KLF17: variants seen among roughly 807,000 people sequenced by gnomAD.
KLF17 encodes the protein Krueppel-like factor 17.
Under a neutral mutation model 34.2 loss-of-function variants are expected in KLF17, and 31 were observed. The observed-to-expected ratio is 0.91, with a 90% CI of 0.68 to 1.22. The LOEUF is 1.22. Among genes scored for constraint, KLF17 ranks in the 50% most tolerant of loss-of-function variants. The pLI, the probability that KLF17 is intolerant of heterozygous loss-of-function variation, is 0.00. For synonymous variants in KLF17, 179 were observed against 186.7 expected (o/e 0.96, Z 0.34); for missense variants, 478 against 505.2 (o/e 0.95, Z 0.52).
At chr1:44,091,635 C>CAAAAAAAAAAAAAAAAAAA in the KLF17 span, among the ~76,000 whole-genome samples, 2 of 79,022 alleles carry the variant, frequency 2.5e-5, no homozygotes, top group African/African-American at 4.8e-5. Flanking sequence ...GACTCCATCT[C>CAAAAAAAAAAAAAAAAAAA]AAAAAAAAAA....
the KLF17 span, among the ~76,000 whole-genome samples, chr1:44,057,341 G>A: frequency 5.9e-5 from 9 of 152,158 alleles, no homozygotes; most frequent in Admixed American, 5.9e-4. Flanking sequence ...AAAGGAGAAC[G>A]TTAACAGCTA....
chr1:44,129,053 C>T (rs1385902500), intron 1 of KLF17, among the ~76,000 whole-genome samples: 1 of 151,798 alleles, frequency 6.6e-6, no homozygotes, highest in Non-Finnish European at 1.5e-5. Flanking sequence ...AACATTTTCT[C>T]AGTTTTGCTG....
At chr1:44,069,499 AGAG>A in the KLF17 span, among the ~76,000 whole-genome samples, 2 of 146,116 alleles carry the variant, frequency 1.4e-5, no homozygotes, top group South Asian at 4.3e-4. The surrounding 1 kb of genome is among the most constrained non-coding windows in gnomAD (Gnocchi z 4.7). Flanking sequence ...AGAGAGAGAG[AGAG>A]AGAGAGAGAG....
the KLF17 span, among the ~76,000 whole-genome samples, chr1:44,062,888 A>G: frequency 6.6e-6 from 1 of 152,198 alleles, no homozygotes; most frequent in Non-Finnish European, 1.5e-5. Context: ...ATTCCTGGCT[A>G]TATCCTCAAC....
chr1:44,118,898 C>T lies in KLF17; in HGVS notation c.-10C>T, dbSNP rs2087911653. On this transcript the variant is annotated 5_prime_UTR_variant, in exon 1 of 4. Transcript: ENST00000372299. The stretch of plus-strand genomic sequence containing the variant: ...TCTTCAGTAGAGAGTCTAGACCCCA[C>T]CCAGTCTTCATGTACGGCCGACCGC... 3 of 1,608,864 alleles carry T rather than the reference C, an allele frequency of 1.9e-6. No homozygotes were observed. The highest frequency in any genetic ancestry group is 1.7e-6 in the Non-Finnish European group (2 of 1,177,890).
At chr1:44,083,387 T>TA in the KLF17 span, among the ~76,000 whole-genome samples, 13 of 152,224 alleles carry the variant, frequency 8.5e-5, no homozygotes, top group Middle Eastern at 3.4e-3. Flanking sequence ...TGTAACCTCT[T>TA]ACCTTGCTCA....
chr1:44,077,201 C>T, the KLF17 span, among the ~76,000 whole-genome samples: 3 of 151,798 alleles, frequency 2.0e-5, no homozygotes, highest in African/African-American at 7.3e-5. Flanking sequence ...AAAAATTAGC[C>T]AGTTGTGGTG....
the KLF17 span, among the ~76,000 whole-genome samples, chr1:44,044,413 GTGGCAAA>G: frequency 8.5e-5 from 13 of 152,214 alleles, no homozygotes. Flanking sequence ...AGCCTGAACT[GTGGCAAA>G]TGCAGAGTCA....
the KLF17 span, chr1:44,104,535 A>G: frequency 2.8e-6 from 2 of 704,604 alleles, no homozygotes; most frequent in Non-Finnish European, 5.3e-6. Flanking sequence ...GTTGAGATCC[A>G]CCTCCTAAGG....
At chr1:44,127,902 T>G (rs2088046821) in intron 1 of KLF17, among the ~76,000 whole-genome samples, 1 of 151,588 alleles carries the variant, frequency 6.6e-6, no homozygotes, top group Non-Finnish European at 1.5e-5. Flanking sequence ...AATTTCTGTC[T>G]TGGTGGTTTA....
the KLF17 span, chr1:44,051,066 C>G: frequency 4.1e-5 from 6 of 146,572 alleles, no homozygotes; most frequent in Admixed American, 4.2e-4. Flanking sequence ...AGAGAGAAAA[C>G]GACAGCATGA....
intron 1 of KLF17, among the ~76,000 whole-genome samples, chr1:44,124,966 T>A (rs924492401): frequency 7.2e-5 from 11 of 152,224 alleles, no homozygotes; most frequent in African/African-American, 1.9e-4. Flanking sequence ...CTGATCTCAC[T>A]AAATTACATT....
Position 44,118,822 on chromosome 1 carries a change from T to G in KLF17, c.-86T>G. 1.0e-6 allele frequency: 1 copy of G among 964,492 alleles called. No individual in the cohort carries two copies. Among genetic ancestry groups the G allele is most frequent in the Middle Eastern group, 2.3e-4 (1 of 4,356 alleles). 59.7% of individuals were successfully genotyped at this position (964,492 alleles called of 1,614,324 possible). ...AGGTAAATAGAAGGTGATTGTGGCG[T>G]GGCGATGTACCGATACCCGCCTGCG... is the stretch of plus-strand genomic sequence containing the variant. On this transcript the variant is annotated 5_prime_UTR_variant, in exon 1 of 4. Transcript: ENST00000372299.
intron 1 of KLF17, among the ~76,000 whole-genome samples, chr1:44,123,875 T>A (rs1221340763): frequency 6.6e-6 from 1 of 152,180 alleles, no homozygotes; most frequent in Non-Finnish European, 1.5e-5. Context: ...ATTTTCTAGT[T>A]TATCTGGTTG....
At chr1:44,097,354 T>C in the KLF17 span, among the ~76,000 whole-genome samples, 2 of 152,186 alleles carry the variant, frequency 1.3e-5, no homozygotes, top group Non-Finnish European at 2.9e-5. Flanking sequence ...GCGGGCTCTT[T>C]TTTGGTTCCA....
the KLF17 span, among the ~76,000 whole-genome samples, chr1:44,070,814 T>C: frequency 2.0e-5 from 3 of 152,022 alleles, no homozygotes; most frequent in Non-Finnish European, 4.4e-5. Context: ...ATAAGCATTA[T>C]TGAACAGGGG....
At chr1:44,079,939 C>CT in the KLF17 span, among the ~76,000 whole-genome samples, 2 of 129,548 alleles carry the variant, frequency 1.5e-5, no homozygotes, top group Admixed American at 1.5e-4. Context: ...TTTTTTTTTT[C>CT]TTTTTTTGAG....
chr1:44,063,868 G>T, the KLF17 span, among the ~76,000 whole-genome samples: 1 of 152,180 alleles, frequency 6.6e-6, no homozygotes, highest in Non-Finnish European at 1.5e-5. Flanking sequence ...AGGGAGACTT[G>T]AGTTTGTGCT....
the KLF17 span, among the ~76,000 whole-genome samples, chr1:44,100,406 G>A: frequency 6.6e-6 from 1 of 152,058 alleles, no homozygotes; most frequent in Non-Finnish European, 1.5e-5. Context: ...TTTTTGTACA[G>A]TTGAGTTTTA....
Sources: allele counts gnomAD v4.1 joint callset (sites outside exome capture counted in the v4.1 genomes callset), GRCh38; gene constraint gnomAD v4.1.1; non-coding constraint Gnocchi (gnomAD v3.1); transcripts MANE v1.5; gene names NCBI Gene and HGNC (gene_info 2026-07-23, HGNC 2026-07-21).